BAZ1A: variants seen among roughly 807,000 people sequenced by gnomAD.
BAZ1A encodes the protein bromodomain adjacent to zinc finger domain 1A, also known as bromodomain adjacent to zinc finger domain protein 1A.
BAZ1A carries 50 observed loss-of-function variants against 185.2 expected under a neutral mutation model. The ratio of observed to expected loss-of-function variants is 0.27; its 90% confidence interval spans 0.22 to 0.34. The LOEUF is 0.34. Ranked by LOEUF, BAZ1A falls within the 10% of genes least tolerant of loss-of-function variation. The pLI, the probability that BAZ1A is intolerant of heterozygous loss-of-function variation, is 1.00. For synonymous variants in BAZ1A, 571 were observed against 615.6 expected, an observed-to-expected ratio of 0.93 and a Z score of 1.07; for missense variants, 1,356 against 1,839.9, an observed-to-expected ratio of 0.74 and a Z score of 4.81.
chr14:34,783,291 G>C, intron 15 of BAZ1A, 59 bp from the exon 16 acceptor site: 1 of 1,001,552 alleles, frequency 1.0e-6, no homozygotes, highest in Non-Finnish European at 1.5e-6. Flanking sequence ...TTCACTTTTA[G>C]CATCTTGTCT....
chr14:34,793,936 C>T (rs772978620), intron 11 of BAZ1A, among the ~76,000 whole-genome samples: 22 of 146,084 alleles, frequency 1.5e-4, no homozygotes, highest in South Asian at 2.2e-4. Flanking sequence ...AGCGAGACTC[C>T]GTCTCAAAAA....
intron 21 of BAZ1A, chr14:34,771,281 G>A (rs1412849699): frequency 1.7e-5 from 7 of 412,638 alleles, no homozygotes; most frequent in Middle Eastern, 6.6e-4. Flanking sequence ...TTACAGGCAT[G>A]AGCCACTGTG....
At chr14:34,814,504 G>A (rs188678389) in intron 4 of BAZ1A, among the ~76,000 whole-genome samples, 11 of 151,878 alleles carry the variant, frequency 7.2e-5, no homozygotes, top group Admixed American at 1.3e-4. Context: ...GGTCTCACTC[G>A]GTGGTCCAGG....
chr14:34,835,538 C>A (rs1352642655), intron 3 of BAZ1A, among the ~76,000 whole-genome samples: 1 of 151,900 alleles, frequency 6.6e-6, no homozygotes, highest in African/African-American at 2.4e-5. Flanking sequence ...CCAGGCAATG[C>A]GAGGCTCCTT....
At chr14:34,863,438 C>T (rs1480852624) in intron 2 of BAZ1A, among the ~76,000 whole-genome samples, 2 of 152,162 alleles carry the variant, frequency 1.3e-5, no homozygotes, top group Admixed American at 6.5e-5. Flanking sequence ...GCTGGGATTA[C>T]AGGTGTGAGC....
At chr14:34,755,904 T>G (rs2034656871) in intron 25 of BAZ1A, among the ~76,000 whole-genome samples, 1 of 150,746 alleles carries the variant, frequency 6.6e-6, no homozygotes, top group Non-Finnish European at 1.5e-5. Context: ...CATTGCAACC[T>G]CCACCTTCCA....
intron 2 of BAZ1A, among the ~76,000 whole-genome samples, chr14:34,872,045 T>C (rs1423018837): frequency 6.6e-6 from 1 of 152,200 alleles, no homozygotes; most frequent in Non-Finnish European, 1.5e-5. Context: ...CATGATTAAA[T>C]GGCAGTCTTC....
At chr14:34,815,550 A>G (rs2041993589) in intron 4 of BAZ1A, among the ~76,000 whole-genome samples, 1 of 152,252 alleles carries the variant, frequency 6.6e-6, no homozygotes, top group Non-Finnish European at 1.5e-5. Context: ...TTGTACTAAT[A>G]AAATCAAAAC....
rs138500586 is a variant in BAZ1A, at chr14:34,768,833, G to T, written c.3301+2678C>A. On this transcript the variant is annotated intron_variant, in intron 21 of 26. Coordinates refer to ENST00000360310, the MANE Select transcript of BAZ1A (RefSeq NM_013448.3). ...AAGATTTTTTTTTCATAGCTTAAGGGTTTAAGCATAAGTATGACTTTAAAA... is the reference window on the plus strand; with the variant it reads ...AAGATTTTTTTTTCATAGCTTAAGGTTTTAAGCATAAGTATGACTTTAAAA... 166 of 352,710 alleles carry T rather than the reference G, an allele frequency of 4.7e-4. 2 individuals carry two copies. Among genetic ancestry groups the T allele is most frequent in the African/African-American group, 3.1e-3 (140 of 45,032 alleles). 21.8% of individuals were successfully genotyped at this position (352,710 alleles called of 1,614,324 possible). A position where few individuals can be genotyped will look rare whatever the true frequency, so the allele number is the denominator to read the frequency against.
At chr14:34,862,649 A>G (rs571011473) in intron 2 of BAZ1A, among the ~76,000 whole-genome samples, 2 of 152,216 alleles carry the variant, frequency 1.3e-5, no homozygotes, top group South Asian at 4.1e-4. Flanking sequence ...AGTACTTTAT[A>G]TAATGAAAAA....
At chr14:34,848,575 C>T (rs558437283) in intron 3 of BAZ1A, among the ~76,000 whole-genome samples, 32 of 152,160 alleles carry the variant, frequency 2.1e-4, no homozygotes, top group African/African-American at 7.0e-4. Context: ...CCAGCCTGGG[C>T]GACAGAGCGG....
intron 8 of BAZ1A, 127 bp downstream of exon 8, chr14:34,800,967 G>GA: frequency 1.6e-6 from 1 of 632,180 alleles, no homozygotes; most frequent in African/African-American, 1.9e-5. Flanking sequence ...TTATCTGATA[G>GA]AAAAAATAAC....
At chr14:34,845,642 C>T (rs545986057) in intron 3 of BAZ1A, among the ~76,000 whole-genome samples, 2 of 152,046 alleles carry the variant, frequency 1.3e-5, no homozygotes, top group Non-Finnish European at 2.9e-5. Flanking sequence ...GGGCGGATCA[C>T]GAGGTCAAGA....
At chr14:34,757,446 C>T (rs1194412044) in intron 25 of BAZ1A, among the ~76,000 whole-genome samples, 1 of 150,192 alleles carries the variant, frequency 6.7e-6, no homozygotes, top group African/African-American at 2.5e-5. Flanking sequence ...GGGCAGATCA[C>T]CTGAGGTCAG....
chr14:34,828,293 CAA>C (rs369878009), intron 3 of BAZ1A, among the ~76,000 whole-genome samples: 62 of 83,540 alleles, frequency 7.4e-4, no homozygotes, highest in African/African-American at 2.8e-3. Context: ...AACTCCGTCT[CAA>C]AAAAAAAAAA....
At chr14:34,781,990 G>C (rs1020416202) in intron 16 of BAZ1A, among the ~76,000 whole-genome samples, 5 of 152,156 alleles carry the variant, frequency 3.3e-5, no homozygotes, top group South Asian at 2.1e-4. Context: ...GAATAATGCT[G>C]CTATGAACAT....
intron 8 of BAZ1A, 129 bp from the exon 9 acceptor site, chr14:34,800,519 C>A: frequency 1.4e-6 from 1 of 717,376 alleles, no homozygotes. Flanking sequence ...TCTTAAAATT[C>A]CTACAGGGAG....
Position 34,754,934 on chromosome 14 carries a change from T to C in BAZ1A, c.4387-20A>G. ...TGGGACCTGTAAAATAATTCAAATA[T>C]CTCTGTCCACACAGAAAACTTAACT... On this transcript the variant is annotated intron_variant, in intron 25 of 26. Transcript: ENST00000360310. 1 of 1,548,406 alleles carries C rather than the reference T, an allele frequency of 6.5e-7. No individual in the cohort carries two copies.
At chr14:34,873,394 T>C (rs748563091) in intron 2 of BAZ1A, among the ~76,000 whole-genome samples, 2 of 152,132 alleles carry the variant, frequency 1.3e-5, no homozygotes, top group Non-Finnish European at 1.5e-5. Context: ...CACTTAGAGA[T>C]CCTGTTTAAA....
Sources: gnomAD v4.1 joint callset for allele counts (sites outside exome capture counted in the v4.1 genomes callset) on GRCh38, gnomAD v4.1.1 for gene constraint, MANE v1.5 for transcripts, NCBI Gene and HGNC (gene_info 2026-07-23, HGNC 2026-07-21) for gene names.